The following BMPR2 variants were observed in gnomAD, a reference collection of about 807,000 sequenced individuals.
BMPR2 encodes the protein bone morphogenetic protein receptor type 2.
A neutral mutation model predicts 100.8 loss-of-function variants in BMPR2; 29 were observed. The observed-to-expected ratio is 0.29, with a 90% confidence interval of 0.21 to 0.39. The LOEUF is 0.39. Ranked by LOEUF, BMPR2 falls within the 10% of genes least tolerant of loss-of-function variation. The pLI, the probability that BMPR2 is intolerant of heterozygous loss-of-function variation, is 1.00. For synonymous variants in BMPR2, 382 were observed against 442.3 expected, an observed-to-expected ratio of 0.86 and a Z score of 1.71; for missense variants, 1,011 against 1,274.5, an observed-to-expected ratio of 0.79 and a Z score of 3.15.
chr2:202,389,919 C>T (rs1206051001), intron 1 of BMPR2, among the ~76,000 whole-genome samples: 2 of 150,920 alleles, frequency 1.3e-5, no homozygotes, highest in East Asian at 3.9e-4. Context: ...GGATTACAGG[C>T]GTGAGCCACT....
chr2:202,505,467 C>G (rs1436156860), intron 3 of BMPR2: 1 of 151,770 alleles, frequency 6.6e-6, no homozygotes, highest in Non-Finnish European at 1.5e-5. Flanking sequence ...GCAACCCTCC[C>G]AACTCAGCCT....
chr2:202,438,132 G>A (rs1691653837), intron 1 of BMPR2, among the ~76,000 whole-genome samples: 1 of 149,794 alleles, frequency 6.7e-6, no homozygotes, highest in Non-Finnish European at 1.5e-5. Context: ...TGACCAACAT[G>A]GAGAAACCCT....
intron 3 of BMPR2, among the ~76,000 whole-genome samples, chr2:202,497,570 CAA>C (rs971177665): frequency 1.3e-5 from 2 of 152,132 alleles, no homozygotes; most frequent in African/African-American, 4.8e-5. Context: ...CAAGGGTCGA[CAA>C]AGAGGAAAGC....
intron 10 of BMPR2, among the ~76,000 whole-genome samples, chr2:202,551,780 A>G (rs536206900): frequency 6.6e-6 from 1 of 151,410 alleles, no homozygotes; most frequent in South Asian, 2.1e-4. Context: ...GCTCAGTGCA[A>G]CCTCTGCCTC....
intron 2 of BMPR2, 51 bp downstream of exon 2, chr2:202,465,030 T>G: frequency 6.3e-7 from 1 of 1,598,106 alleles, no homozygotes; most frequent in Non-Finnish European, 8.6e-7. Flanking sequence ...ACAATTGATA[T>G]TTATCTAAAA....
chr2:202,472,084 A>C (rs1261755819), intron 3 of BMPR2, among the ~76,000 whole-genome samples: 1 of 152,228 alleles, frequency 6.6e-6, no homozygotes, highest in Non-Finnish European at 1.5e-5. Context: ...ATTTTAAACA[A>C]TTTTTAAAGT....
At position 202,376,862 on chromosome 2, in the gene BMPR2, C is replaced by G; in HGVS notation, c.-613C>G. ...TCTGCGAAGGCGTGGGGACTGTGAG[C>G]TTGTCCATGGAGGCAGGCACCTTTT... is the stretch of plus-strand genomic sequence containing the variant. On this transcript the variant is annotated 5_prime_UTR_variant, in exon 1 of 13. Coordinates refer to ENST00000374580, the MANE Select transcript of BMPR2 (RefSeq NM_001204.7). The G allele has an allele frequency of 2.4e-6, 1 of 408,532 alleles. No individual in the cohort carries two copies. The allele number at this position is 408,532 out of a possible 1,614,324, so 25.3% of individuals were successfully genotyped here.
chr2:202,467,555 A>G lies in BMPR2; in HGVS notation c.284A>G (p.His95Arg). The change falls in exon 3 of 13, where the codon CAC becomes CGC. Residue 95 changes from histidine (H) to arginine (R), a missense_variant. Physicochemically the swap from His to Arg is conservative, Grantham distance 29. Transcript: ENST00000374580. Reference sequence around the variant, plus strand: ...CACATTGGAGATCCCCAAGAGTGTCACTATGAAGAATGTGTAGTAACTACC... The same window carrying G: ...CACATTGGAGATCCCCAAGAGTGTCGCTATGAAGAATGTGTAGTAACTACC... The part of the protein sequence containing the change: ...WSHIGDPQEC[H>R]YEECVVTTTP... 6.4e-7 allele frequency: 1 copy of G among 1,569,266 alleles called. No individual in the cohort carries two copies. Among genetic ancestry groups the G allele is most frequent in the Non-Finnish European group, 8.8e-7 (1 of 1,139,248 alleles).
chr2:202,472,662 AAAAG>A (rs1025296133), intron 3 of BMPR2, among the ~76,000 whole-genome samples: 47 of 152,228 alleles, frequency 3.1e-4, no homozygotes, highest in African/African-American at 9.6e-5. Flanking sequence ...CTCAAAAAGA[AAAAG>A]AAAGAGAGAA....
At chr2:202,507,961 A>G (rs545853289) in intron 3 of BMPR2, among the ~76,000 whole-genome samples, 10 of 151,778 alleles carry the variant, frequency 6.6e-5, no homozygotes, top group African/African-American at 2.2e-4. Flanking sequence ...CAGCCTCCCA[A>G]AGTGCTGGGA....
At position 202,565,442 on chromosome 2, in the gene BMPR2, A is replaced by C. The variant is rs759991089; in HGVS notation, c.*5496A>C. The C allele has an allele frequency of 2.0e-5, 3 of 152,570 alleles. No homozygotes were observed. Among genetic ancestry groups the C allele is most frequent in the Non-Finnish European group, 4.4e-5 (3 of 68,024 alleles). 9.5% of individuals were successfully genotyped at this position (152,570 alleles called of 1,614,324 possible). ...TAGAATCGAGAGTTAAGATGTTTCTATTTGAAAGTGGATTCAACCATCAGA... is the reference window on the plus strand; with the variant it reads ...TAGAATCGAGAGTTAAGATGTTTCTCTTTGAAAGTGGATTCAACCATCAGA... On this transcript the variant is annotated 3_prime_UTR_variant, in exon 13 of 13. Transcript: ENST00000374580.
intron 3 of BMPR2, among the ~76,000 whole-genome samples, chr2:202,497,624 C>T (rs1022097941): frequency 4.6e-5 from 7 of 152,178 alleles, no homozygotes; most frequent in East Asian, 1.9e-4. Context: ...GTTGACCCTG[C>T]GGCCATGGGC....
intron 3 of BMPR2, among the ~76,000 whole-genome samples, chr2:202,478,030 A>G (rs1692585134): frequency 6.6e-6 from 1 of 152,180 alleles, no homozygotes; most frequent in African/African-American, 2.4e-5. Context: ...ACAGAGTGGC[A>G]AAAAATTCAA....
At chr2:202,508,816 A>T (rs1172073133) in intron 3 of BMPR2, among the ~76,000 whole-genome samples, 1 of 152,238 alleles carries the variant, frequency 6.6e-6, no homozygotes, top group Non-Finnish European at 1.5e-5. Context: ...ATGATCAAGA[A>T]AGCATCTGCA....
chr2:202,508,740 T>C (rs942375292), intron 3 of BMPR2, among the ~76,000 whole-genome samples: 7 of 152,358 alleles, frequency 4.6e-5, no homozygotes, highest in Admixed American at 3.9e-4. Flanking sequence ...CTGTATATAG[T>C]AGTAAGTTTT....
intron 3 of BMPR2, among the ~76,000 whole-genome samples, chr2:202,474,397 G>C (rs547423051): frequency 3.3e-5 from 5 of 151,816 alleles, no homozygotes; most frequent in African/African-American, 1.2e-4. Flanking sequence ...TGAAGCGGAG[G>C]TTGCAGTAAG....
intron 3 of BMPR2, among the ~76,000 whole-genome samples, chr2:202,497,885 A>C (rs188895667): frequency 0.012 from 1,825 of 152,296 alleles, 12 homozygotes; most frequent in Non-Finnish European, 0.021. Context: ...CACCAATCAG[A>C]AAGACATAAT....
chr2:202,485,168 G>GAAAAATATAAATAATATAAAT (rs1692748525), intron 3 of BMPR2, among the ~76,000 whole-genome samples: 1 of 151,878 alleles, frequency 6.6e-6, no homozygotes, highest in Admixed American at 6.6e-5. Flanking sequence ...TAATATAAAT[G>GAAAAATATAAATAATATAAAT]GTAATTAATG....
At position 202,562,319 on chromosome 2, in the gene BMPR2, T is replaced by C. The variant is rs1212326112; in HGVS notation, c.*2373T>C. 1 of 152,628 alleles carries C rather than the reference T, an allele frequency of 6.6e-6. No individual in the cohort carries two copies. The highest frequency in any genetic ancestry group is 1.5e-5 in the Non-Finnish European group (1 of 68,004). 9.5% of individuals were successfully genotyped at this position (152,628 alleles called of 1,614,324 possible). A position where few individuals can be genotyped will look rare whatever the true frequency, so the allele number is the denominator to read the frequency against. On this transcript the variant is annotated 3_prime_UTR_variant, in exon 13 of 13. Transcript: ENST00000374580. ...TGATAAAATGCTTTAAAAATTAATA[T>C]GCCAGATTAAAATAACTGAATAGTT...
Sources: gnomAD v4.1 joint callset for allele counts (sites outside exome capture counted in the v4.1 genomes callset) on GRCh38, gnomAD v4.1.1 for gene constraint, MANE v1.5 for transcripts, NCBI Gene and HGNC (gene_info 2026-07-23, HGNC 2026-07-21) for gene names.